Variants in CCDC57 observed in about 807,000 individuals in gnomAD.
CCDC57 encodes the protein coiled-coil domain containing 57.
Under a neutral mutation model 118.9 loss-of-function variants are expected in CCDC57, and 118 were observed. The ratio of observed to expected loss-of-function variants is 0.99; its 90% CI spans 0.86 to 1.16. CCDC57 has a LOEUF of 1.16. Ranked by LOEUF, CCDC57 falls within the 50% of genes most tolerant of loss-of-function variation. The pLI, the probability that CCDC57 is intolerant of heterozygous loss-of-function variation, is 0.00. For missense variants in CCDC57, 1,300 were observed against 1,320.7 expected, an observed-to-expected ratio of 0.98 and a Z score of 0.24; for synonymous variants, 527 against 532.9, an observed-to-expected ratio of 0.99 and a Z score of 0.15.
At chr17:82,195,912 C>T (rs1355213541) in intron 4 of CCDC57, among the ~76,000 whole-genome samples, 2 of 152,196 alleles carry the variant, frequency 1.3e-5, no homozygotes, top group Non-Finnish European at 2.9e-5. Flanking sequence ...AAAGCTGCCA[C>T]GTTAAAACGT....
At chr17:82,148,066 ATGGG>A (rs2041088396) in intron 16 of CCDC57, among the ~76,000 whole-genome samples, 1 of 50,950 alleles carries the variant, frequency 2.0e-5, no homozygotes, top group Non-Finnish European at 3.8e-5. Context: ...GGATGGATGG[ATGGG>A]TGGGTAGATG....
chr17:82,166,555 A>G (rs1328561157), intron 13 of CCDC57, among the ~76,000 whole-genome samples: 1 of 152,114 alleles, frequency 6.6e-6, no homozygotes, highest in Non-Finnish European at 1.5e-5. Context: ...AACTCCAGCA[A>G]GCAATTTAAT....
At chr17:82,204,087 G>A (rs564031661) in intron 2 of CCDC57, among the ~76,000 whole-genome samples, 1 of 152,260 alleles carries the variant, frequency 6.6e-6, no homozygotes, top group African/African-American at 2.4e-5. Context: ...AGGGCTCCCT[G>A]GGGGTCCTGA....
intron 16 of CCDC57, among the ~76,000 whole-genome samples, chr17:82,140,146 C>T (rs563574953): frequency 1.9e-4 from 29 of 152,144 alleles, no homozygotes; most frequent in African/African-American, 5.1e-4. Flanking sequence ...AGTGCAGCAG[C>T]GCAATCTCGG....
At position 82,169,490 on chromosome 17, in the gene CCDC57, C is replaced by G. The variant is rs1465797136; in HGVS notation, c.1882+2211G>C. Among the ~76,000 whole-genome samples the G allele has an allele frequency of 2.0e-5, 3 of 152,306 alleles. No individual in the cohort carries two copies. The East Asian group carries it at 5.8e-4, about 29-fold the overall frequency. On this transcript the variant is annotated intron_variant, in intron 13 of 19. Transcript: ENST00000665763. The stretch of plus-strand genomic sequence containing the variant: ...AGTGTCCTGTCTGGCCCCTCCCTTT[C>G]TTTTCCTGCCTTAGGCCTGCAGATG...
chr17:82,200,342 CGCAGGTG>C (rs1390021174), intron 3 of CCDC57, among the ~76,000 whole-genome samples: 1 of 152,158 alleles, frequency 6.6e-6, no homozygotes, highest in Non-Finnish European at 1.5e-5. Context: ...GAGCAGTGTG[CGCAGGTG>C]GCTCTATATG....
exon 15 of CCDC57, chr17:82,157,940 C>A (rs1487203808): frequency 6.4e-7 from 1 of 1,554,488 alleles, no homozygotes. Context: ...CCAGGGGTTC[C>A]CGCAGCACCT....
At chr17:82,157,758 A>G in exon 15 of CCDC57, 1 of 1,597,030 alleles carries the variant, frequency 6.3e-7, no homozygotes, top group South Asian at 1.1e-5. Flanking sequence ...CTCTCTCCCA[A>G]GGGCCACGGC....
chr17:82,158,466 T>A (rs1316180926), intron 14 of CCDC57, among the ~76,000 whole-genome samples: 2 of 151,780 alleles, frequency 1.3e-5, no homozygotes, highest in Admixed American at 1.3e-4. Context: ...GGAGGGTGGA[T>A]CACGAGGTCA....
chr17:82,172,278 C>T lies in CCDC57; in HGVS notation c.1729+360G>A, dbSNP rs563884022. On this transcript the variant is annotated intron_variant, in intron 12 of 19. Transcript: ENST00000665763. This position sits in a 1 kb window ranked among gnomAD's most constrained non-coding sequence, Gnocchi z 5.2. Reference sequence around the variant, plus strand: ...AGGCCCTCATCAGCTCTGCCACAGACGCTCCTCTGGAGGAAAGGACTGAGG... The same window carrying T: ...AGGCCCTCATCAGCTCTGCCACAGATGCTCCTCTGGAGGAAAGGACTGAGG... Among the ~76,000 whole-genome samples the T allele has an allele frequency of 2.2e-4, 34 of 152,318 alleles. No homozygotes were observed. Among genetic ancestry groups the T allele is most frequent in the Admixed American group, 6.5e-4 (10 of 15,304 alleles).
intron 5 of CCDC57, 87 bp downstream of exon 4, chr17:82,195,176 A>G: frequency 2.0e-6 from 2 of 985,138 alleles, no homozygotes; most frequent in African/African-American, 1.6e-5. Flanking sequence ...TTGGTCTCCC[A>G]AAGTGCTGAG....
intron 15 of CCDC57, chr17:82,155,249 C>T (rs1172799675): frequency 2.0e-5 from 3 of 152,212 alleles, no homozygotes; most frequent in African/African-American, 7.2e-5. Flanking sequence ...TGATGGGAAT[C>T]CCTCTGGTTC....
At chr17:82,121,792 G>A (rs1207070766) in intron 19 of CCDC57, among the ~76,000 whole-genome samples, 2 of 152,210 alleles carry the variant, frequency 1.3e-5, no homozygotes, top group African/African-American at 2.4e-5. Context: ...GGACCCCTCA[G>A]TTCTCTCCTT....
chr17:82,142,327 T>C lies in CCDC57; in HGVS notation c.2456-8133A>G, dbSNP rs549687788. Reference sequence around the variant, plus strand: ...TGAAGTTGTGTTTGTTTTTTTTTTTTCTTGAGACGGAGTCTTGCTTTGTCG... The same window carrying C: ...TGAAGTTGTGTTTGTTTTTTTTTTTCCTTGAGACGGAGTCTTGCTTTGTCG... On this transcript the variant is annotated intron_variant, in intron 16 of 19. Transcript: ENST00000665763. Among the ~76,000 whole-genome samples the C allele has an allele frequency of 3.9e-5, 6 of 152,198 alleles. No individual in the cohort carries two copies. In the East Asian group the frequency reaches 7.7e-4, roughly 20 times the overall value.
intron 11 of CCDC57, among the ~76,000 whole-genome samples, chr17:82,176,756 CAAGG>C (rs900864456): frequency 3.9e-5 from 6 of 152,058 alleles, no homozygotes; most frequent in African/African-American, 1.5e-4. Flanking sequence ...TTGCTTCCAA[CAAGG>C]AAGGCAAGTT....
At chr17:82,163,900 T>G (rs6502074) in intron 13 of CCDC57, among the ~76,000 whole-genome samples, 1 of 151,918 alleles carries the variant, frequency 6.6e-6, no homozygotes, top group Non-Finnish European at 1.5e-5. Flanking sequence ...AGGGGCCAGG[T>G]GCAGTGGCCC....
At chr17:82,145,779 G>A (rs926413082) in intron 16 of CCDC57, 4 of 464,280 alleles carry the variant, frequency 8.6e-6, no homozygotes, top group South Asian at 1.6e-5. Flanking sequence ...CTCACTCCCC[G>A]CCCTGGTCTC....
chr17:82,210,516 A>G (rs2050094558), intron 1 of CCDC57, among the ~76,000 whole-genome samples: 1 of 132,768 alleles, frequency 7.5e-6, no homozygotes, highest in South Asian at 2.4e-4. Context: ...TACTAAAAAT[A>G]CAAAAAAAAA....
intron 17 of CCDC57, among the ~76,000 whole-genome samples, chr17:82,128,901 C>A (rs1568191741): frequency 6.6e-6 from 1 of 152,058 alleles, no homozygotes; most frequent in Non-Finnish European, 1.5e-5. Context: ...AGTGACACCA[C>A]CTGGCCGATC....
Sources: allele counts gnomAD v4.1 joint callset (sites outside exome capture counted in the v4.1 genomes callset), GRCh38; gene constraint gnomAD v4.1.1; non-coding constraint Gnocchi (gnomAD v3.1); transcripts MANE v1.5; gene names NCBI Gene and HGNC (gene_info 2026-07-23, HGNC 2026-07-21).